The following HDAC7 variants were observed in gnomAD, a reference collection of about 807,000 sequenced individuals.
HDAC7 encodes histone deacetylase 7.
Under a neutral mutation model 115.5 loss-of-function variants are expected in HDAC7, and 26 were observed. The observed-to-expected ratio is 0.23, with a 90% CI of 0.16 to 0.31. HDAC7 has a LOEUF of 0.31. HDAC7 is among the 10% of genes least tolerant of loss of function. HDAC7 has a pLI of 1.00. For missense variants in HDAC7, 1,068 were observed against 1,329.0 expected, an observed-to-expected ratio of 0.80 and a Z score of 3.05; for synonymous variants, 564 against 550.9, an observed-to-expected ratio of 1.02 and a Z score of -0.33.
At chr12:47,785,694 C>A in intron 23 of HDAC7, 58 bp downstream of exon 23, 3 of 1,549,286 alleles carry the variant, frequency 1.9e-6, no homozygotes, top group South Asian at 1.2e-5. Context: ...TTGGGTAGTC[C>A]TGAGAGCCGG....
chr12:47,784,091 A>T lies in HDAC7; in HGVS notation c.2918T>A (p.Leu973Gln). The part of the protein sequence containing the change: ...TALASLSVGI[L>Q]AEDRPSEQLV... ...GGTCTGGCATTACCTATCTTCAGCC[A>T]GGATGCCCACAGAGAGGGACGCCAG... Residue 973 changes from leucine (L) to glutamine (Q), a missense_variant, in exon 25 of 26, where the codon CTG (leucine) becomes CAG (glutamine). Leu to Gln is a moderately radical substitution (Grantham distance 113). Transcript: ENST00000080059. 1.2e-6 allele frequency: 2 copies of T among 1,613,560 alleles called. No individual in the cohort carries two copies. Among genetic ancestry groups the T allele is most frequent in the Non-Finnish European group, 1.7e-6 (2 of 1,179,850 alleles).
chr12:47,792,795 G>A (rs770334553), intron 13 of HDAC7: 21 of 408,794 alleles, frequency 5.1e-5, no homozygotes, highest in Non-Finnish European at 7.5e-5. Flanking sequence ...GAAATACTAT[G>A]AGACTCTCAG....
chr12:47,799,912 C>A (rs969667465), intron 2 of HDAC7, among the ~76,000 whole-genome samples: 1 of 152,172 alleles, frequency 6.6e-6, no homozygotes, highest in Non-Finnish European at 1.5e-5. Flanking sequence ...AGCAGGCCGG[C>A]CCCATGGGAG....
intron 1 of HDAC7, 38 bp from the exon 2 acceptor site, chr12:47,802,312 G>T: frequency 6.2e-7 from 1 of 1,603,586 alleles, no homozygotes; most frequent in Non-Finnish European, 8.5e-7. Context: ...GCTGCAGGGA[G>T]GGGTGAGGAG....
chr12:47,796,712 C>T (rs1439644785), intron 7 of HDAC7, among the ~76,000 whole-genome samples: 1 of 152,210 alleles, frequency 6.6e-6, no homozygotes, highest in Admixed American at 6.5e-5. Flanking sequence ...GCGTGAACCA[C>T]CGCGCCCGGC....
At chr12:47,789,028 GCTC>G (rs1943329023) in intron 19 of HDAC7, 1 of 527,980 alleles carries the variant, frequency 1.9e-6, no homozygotes, top group Admixed American at 3.5e-5. Context: ...TCAAATGACA[GCTC>G]CTACTCGTTG....
intron 1 of HDAC7, chr12:47,813,555 G>A (rs575883597): frequency 6.6e-6 from 1 of 152,498 alleles, no homozygotes; most frequent in South Asian, 2.1e-4. Flanking sequence ...GTGAGAGGCT[G>A]ACCCTATAGG....
At position 47,797,849 on chromosome 12, in the gene HDAC7, C is replaced by T. The variant is rs1437285033; in HGVS notation, c.461+259G>A. The stretch of plus-strand genomic sequence containing the variant: ...AGGGGCTCATGTGCAAGAAAAAAGC[C>T]AGTAGGGTGTGTGTGTGTGTGTGTG... On this transcript the variant is annotated intron_variant, in intron 5 of 25. Transcript: ENST00000080059. The surrounding 1 kb of genome is among the most constrained non-coding windows in gnomAD (Gnocchi z 5.5). 1.2e-5 allele frequency among the ~76,000 whole-genome samples: 1 copy of T among 86,578 alleles called. No homozygotes were observed. The highest frequency in any genetic ancestry group is 2.5e-5 in the Non-Finnish European group (1 of 39,496). 56.8% of individuals were successfully genotyped at this position (86,578 alleles called of 152,430 possible).
rs1385982851 is a variant in HDAC7 at position 47,810,802 on chromosome 12, AGGTCTCTCTCTCTCTCTC to A, written c.20-8546_20-8529del. Among the ~76,000 whole-genome samples, 758 of 121,092 alleles carry A rather than the reference AGGTCTCTCTCTCTCTCTC, an allele frequency of 6.3e-3. 7 individuals carry two copies. Among genetic ancestry groups the A allele is most frequent in the African/African-American group, 0.022 (697 of 32,258 alleles). The allele number at this position is 121,092 out of a possible 152,430, so 79.4% of individuals were successfully genotyped here. A position where few individuals can be genotyped will look rare whatever the true frequency, so the allele number is the denominator to read the frequency against. On this transcript the variant is annotated intron_variant, in intron 1 of 25. Transcript: ENST00000080059. ...GGGGGTAAATTCTCTTGGGAGGAAA[AGGTCTCTCTCTCTCTCTC>A]TCTCTCTCTCTCTCTCTCTCTCTCT... is the stretch of plus-strand genomic sequence containing the variant.
intron 1 of HDAC7, chr12:47,817,982 G>A (rs1202496530): frequency 1.3e-5 from 2 of 152,280 alleles, no homozygotes; most frequent in Non-Finnish European, 2.9e-5. Context: ...CAAACTGGAG[G>A]GGGTGGATAA....
rs1943191558 is a variant in HDAC7 at position 47,786,758 on chromosome 12, G to C, written c.2454-55C>G. 9 of 1,440,580 alleles carry C rather than the reference G, an allele frequency of 6.2e-6. No homozygotes were observed. In the East Asian group the frequency reaches 2.1e-4, roughly 33 times the overall value. 89.2% of individuals were successfully genotyped at this position (1,440,580 alleles called of 1,614,324 possible). A position where few individuals can be genotyped will look rare whatever the true frequency, so the allele number is the denominator to read the frequency against. On this transcript the variant is annotated intron_variant, in intron 21 of 25. Coordinates refer to ENST00000080059, the MANE Select transcript of HDAC7 (RefSeq NM_015401.5). ...GTACTGTGCAGGGTTGCCAGGGGCGGTCCTGCCAACTTTGCGGTGGGGCAC... is the reference window on the plus strand; with the variant it reads ...GTACTGTGCAGGGTTGCCAGGGGCGCTCCTGCCAACTTTGCGGTGGGGCAC...
upstream of HDAC7, among the ~76,000 whole-genome samples, chr12:47,820,249 C>T (rs1031850255): frequency 6.6e-6 from 1 of 152,178 alleles, no homozygotes; most frequent in African/African-American, 2.4e-5. The surrounding 1 kb of genome is among the most constrained non-coding windows in gnomAD (Gnocchi z 4.3). Flanking sequence ...CACGCACCCT[C>T]GCATACACAA....
Position 47,786,591 on chromosome 12 carries a change from C to G in HDAC7, c.2566G>C (p.Ala856Pro). 1 of 1,611,508 alleles carries G rather than the reference C, an allele frequency of 6.2e-7. No individual in the cohort carries two copies. The highest frequency in any genetic ancestry group is 8.5e-7 in the Non-Finnish European group (1 of 1,177,776). Residue 856 changes from alanine (A) to proline (P), a missense_variant, in exon 22 of 26, where the codon GCC (alanine) becomes CCC (proline). Coordinates refer to ENST00000080059, the MANE Select transcript of HDAC7 (RefSeq NM_015401.5). ...TCAGCTGAGGCTCCCTTACATTTGGCAGAAACATGGTAGCCACCCAGTGGG... is the reference window on the plus strand; with the variant it reads ...TCAGCTGAGGCTCCCTTACATTTGGGAGAAACATGGTAGCCACCCAGTGGG... ...PAPLGGYHVSAKCFGYMTQQL... is the reference protein window; with the variant it reads ...PAPLGGYHVSPKCFGYMTQQL...
intron 1 of HDAC7, among the ~76,000 whole-genome samples, chr12:47,810,804 GTC>G (rs60132211): frequency 0.093 from 12,184 of 131,142 alleles, 414 homozygotes; most frequent in Admixed American, 0.1. Flanking sequence ...GGAGGAAAAG[GTC>G]TCTCTCTCTC....
intron 22 of HDAC7, 151 bp from the exon 23 acceptor site, chr12:47,786,036 C>T (rs1021257496): frequency 3.7e-5 from 30 of 801,440 alleles, no homozygotes; most frequent in Non-Finnish European, 5.3e-5. Flanking sequence ...CATTGAATGT[C>T]GTACAAAACC....
rs894833022 is a variant in HDAC7, at chr12:47,797,632, G to C, written c.462-133C>G. On this transcript the variant is annotated intron_variant, in intron 5 of 25. Coordinates refer to ENST00000080059, the MANE Select transcript of HDAC7 (RefSeq NM_015401.5). This position sits in a 1 kb window ranked among gnomAD's most constrained non-coding sequence, Gnocchi z 5.5. ...GGGCAATGTGGGGCTGGTAGGAATG[G>C]GGACCATCTCCAGGTGGCAGCAGTG... is the stretch of plus-strand genomic sequence containing the variant. 6.2e-6 allele frequency: 4 copies of C among 646,112 alleles called. No homozygotes were observed. In the East Asian group the frequency reaches 1.1e-4, roughly 18 times the overall value. 40.0% of individuals were successfully genotyped at this position (646,112 alleles called of 1,614,324 possible). A position where few individuals can be genotyped will look rare whatever the true frequency, so the allele number is the denominator to read the frequency against.
At position 47,795,774 on chromosome 12, in the gene HDAC7, G is replaced by A. The variant is rs995560602; in HGVS notation, c.907-7C>T. 2.0e-6 allele frequency: 3 copies of A among 1,521,018 alleles called. No individual in the cohort carries two copies. Among genetic ancestry groups the A allele is most frequent in the African/African-American group, 1.4e-5 (1 of 72,342 alleles). The allele number at this position is 1,521,018 out of a possible 1,614,324, so 94.2% of individuals were successfully genotyped here. ...TCCTGCGGTCACTGTCAGCCTGGGGGAGAGGCGGGAGAAGTCACGGGGAAG... is the reference window on the plus strand; with the variant it reads ...TCCTGCGGTCACTGTCAGCCTGGGGAAGAGGCGGGAGAAGTCACGGGGAAG... On this transcript the variant is annotated splice_region_variant and splice_polypyrimidine_tract_variant and intron_variant, in intron 9 of 25. Transcript: ENST00000080059. This position sits in a 1 kb window ranked among gnomAD's most constrained non-coding sequence, Gnocchi z 4.3.
intron 13 of HDAC7, 184 bp from the exon 14 acceptor site, chr12:47,792,188 T>G: frequency 3.2e-6 from 2 of 630,800 alleles, no homozygotes; most frequent in Non-Finnish European, 5.3e-6. Flanking sequence ...CCCTCACACC[T>G]GTCCACACAC....
chr12:47,787,577 A>G (rs1592631519), intron 21 of HDAC7, 135 bp downstream of exon 21: 12 of 628,652 alleles, frequency 1.9e-5, no homozygotes, highest in South Asian at 7.9e-5. Flanking sequence ...TCCTATTCTC[A>G]CTGGCGTTCA....
Sources: gnomAD v4.1 joint callset for allele counts (sites outside exome capture counted in the v4.1 genomes callset) on GRCh38, gnomAD v4.1.1 for gene constraint, Gnocchi (gnomAD v3.1) non-coding constraint, MANE v1.5 for transcripts, NCBI Gene and HGNC (gene_info 2026-07-23, HGNC 2026-07-21) for gene names.